GRIN3A: variants seen among roughly 807,000 people sequenced by gnomAD.
GRIN3A encodes glutamate receptor ionotropic, NMDA 3A.
GRIN3A carries 47 observed loss-of-function variants against 92.4 expected under a neutral mutation model. That is an observed-to-expected ratio of 0.51 (90% CI 0.40 to 0.65). The LOEUF is 0.65. GRIN3A is among the 30% of genes least tolerant of loss of function. The probability of loss-of-function intolerance (pLI) is 0.00; values close to 1 mark genes in which losing one functional copy is unlikely to be tolerated. For missense variants in GRIN3A, 1,324 were observed against 1,393.1 expected, an observed-to-expected ratio of 0.95 and a Z score of 0.79; for synonymous variants, 527 against 540.6, an observed-to-expected ratio of 0.97 and a Z score of 0.35.
intron 1 of GRIN3A, among the ~76,000 whole-genome samples, chr9:101,731,335 C>G (rs537360753): frequency 6.6e-6 from 1 of 152,244 alleles, no homozygotes; most frequent in South Asian, 2.1e-4. Flanking sequence ...TTCTATTTCT[C>G]CATATTTTGT....
At chr9:101,610,493 C>T (rs1233302867) in intron 6 of GRIN3A, among the ~76,000 whole-genome samples, 3 of 152,084 alleles carry the variant, frequency 2.0e-5, no homozygotes, top group Non-Finnish European at 4.4e-5. Context: ...ATTTCCAACC[C>T]ATCCTATGTT....
chr9:101,685,586 G>A (rs991330700), intron 2 of GRIN3A, among the ~76,000 whole-genome samples: 1 of 151,432 alleles, frequency 6.6e-6, no homozygotes, highest in East Asian at 1.9e-4. Context: ...CCCCTTTCCC[G>A]GGAATCACCA....
At chr9:101,652,339 A>G (rs1337977042) in intron 3 of GRIN3A, among the ~76,000 whole-genome samples, 2 of 151,978 alleles carry the variant, frequency 1.3e-5, no homozygotes, top group Non-Finnish European at 2.9e-5. Context: ...TTCTGGAAAT[A>G]GGAAGGTCAT....
At chr9:101,688,790 C>G (rs1471577620) in intron 1 of GRIN3A, among the ~76,000 whole-genome samples, 4 of 152,030 alleles carry the variant, frequency 2.6e-5, no homozygotes, top group Admixed American at 2.6e-4. Context: ...ATAGCTTGAA[C>G]CTGGGAGATG....
chr9:101,602,321 C>A (rs1828221690), intron 6 of GRIN3A, among the ~76,000 whole-genome samples: 1 of 152,166 alleles, frequency 6.6e-6, no homozygotes, highest in African/African-American at 2.4e-5. Context: ...TATTTTGTAA[C>A]AACTCGCATC....
At chr9:101,620,673 G>A (rs1006989511) in intron 5 of GRIN3A, among the ~76,000 whole-genome samples, 2 of 152,052 alleles carry the variant, frequency 1.3e-5, no homozygotes, top group South Asian at 2.1e-4. Flanking sequence ...TTACATTAAT[G>A]TTATATGCCT....
At chr9:101,713,428 C>G (rs1829906282) in intron 1 of GRIN3A, among the ~76,000 whole-genome samples, 1 of 152,132 alleles carries the variant, frequency 6.6e-6, no homozygotes, top group Non-Finnish European at 1.5e-5. Context: ...AAGCTGATGC[C>G]TTCTAAGATT....
intron 3 of GRIN3A, among the ~76,000 whole-genome samples, chr9:101,645,109 T>A (rs982628269): frequency 1.3e-4 from 20 of 151,952 alleles, no homozygotes; most frequent in African/African-American, 3.9e-4. Flanking sequence ...TTATTTCTTC[T>A]AACTGTGTTT....
At chr9:101,606,525 G>A (rs1828283346) in intron 6 of GRIN3A, among the ~76,000 whole-genome samples, 1 of 152,024 alleles carries the variant, frequency 6.6e-6, no homozygotes, top group Non-Finnish European at 1.5e-5. Flanking sequence ...CCTAGATGTG[G>A]TAATGGCTCC....
At chr9:101,666,892 C>T (rs745342060) in intron 3 of GRIN3A, among the ~76,000 whole-genome samples, 1 of 152,062 alleles carries the variant, frequency 6.6e-6, no homozygotes, top group Non-Finnish European at 1.5e-5. Flanking sequence ...GCTATAATTT[C>T]AGCTCTATTC....
At chr9:101,669,987 T>C (rs1829295144) in intron 3 of GRIN3A, 73 bp downstream of exon 3, 1 of 1,134,008 alleles carries the variant, frequency 8.8e-7, no homozygotes, top group Non-Finnish European at 1.3e-6. Context: ...AACATGAGCA[T>C]ACTACAGCAG....
At chr9:101,594,825 C>A (rs762071489) in intron 6 of GRIN3A, 4 of 1,610,894 alleles carry the variant, frequency 2.5e-6, no homozygotes, top group East Asian at 2.2e-5. Context: ...CCTGATTTGT[C>A]CAAGTCCAAC....
chr9:101,735,195 A>G (rs1252859391), intron 1 of GRIN3A, among the ~76,000 whole-genome samples: 1 of 151,952 alleles, frequency 6.6e-6, no homozygotes, highest in Non-Finnish European at 1.5e-5. Context: ...AATTTAAAGT[A>G]AAAAGGGAGA....
chr9:101,731,241 G>A (rs1054516439), intron 1 of GRIN3A, among the ~76,000 whole-genome samples: 6 of 152,112 alleles, frequency 3.9e-5, no homozygotes, highest in Non-Finnish European at 8.8e-5. Flanking sequence ...TTGGTTGAAG[G>A]CTGACAAATA....
intron 1 of GRIN3A, among the ~76,000 whole-genome samples, chr9:101,719,728 A>G (rs954537534): frequency 1.3e-5 from 2 of 152,212 alleles, no homozygotes; most frequent in Admixed American, 6.5e-5. Flanking sequence ...GTTGGAATGA[A>G]GTAAGCTTCA....
intron 1 of GRIN3A, among the ~76,000 whole-genome samples, chr9:101,705,749 G>A (rs2119007104): frequency 6.6e-6 from 1 of 152,302 alleles, no homozygotes; most frequent in Middle Eastern, 3.4e-3. Context: ...CATTCATAGA[G>A]TGAGAAAAAT....
chr9:101,705,302 T>C (rs554653400), intron 1 of GRIN3A, among the ~76,000 whole-genome samples: 14 of 152,000 alleles, frequency 9.2e-5, no homozygotes, highest in Middle Eastern at 3.4e-3. Flanking sequence ...CAGAGAACAG[T>C]AGGGCAGCGC....
At chr9:101,656,791 A>G (rs959972607) in intron 3 of GRIN3A, among the ~76,000 whole-genome samples, 1 of 151,882 alleles carries the variant, frequency 6.6e-6, no homozygotes, top group Non-Finnish European at 1.5e-5. Flanking sequence ...TGTTGGGGAA[A>G]GACAAGGAAA....
intron 5 of GRIN3A, among the ~76,000 whole-genome samples, chr9:101,618,780 A>G (rs561195921): frequency 6.6e-6 from 1 of 152,286 alleles, no homozygotes; most frequent in Admixed American, 6.5e-5. Context: ...TTCTGTCCCC[A>G]TTTATAGTTG....
Sources: allele counts gnomAD v4.1 joint callset (sites outside exome capture counted in the v4.1 genomes callset), GRCh38; gene constraint gnomAD v4.1.1; transcripts MANE v1.5; gene names NCBI Gene and HGNC (gene_info 2026-07-23, HGNC 2026-07-21).